Variants in ARL15 observed in about 807,000 individuals in gnomAD.
The protein encoded by ARL15 is ARF like GTPase 15, also known as ADP-ribosylation factor-like protein 15.
ARL15 carries 19 observed loss-of-function variants against 25.2 expected under a neutral mutation model. The observed-to-expected ratio is 0.75, with a 90% CI of 0.53 to 1.10. ARL15 has a LOEUF of 1.10. ARL15 is among the 50% of genes least tolerant of loss of function. The probability of loss-of-function intolerance (pLI) is 0.00; values close to 1 mark genes in which losing one functional copy is unlikely to be tolerated. For synonymous variants in ARL15, 94 were observed against 86.8 expected, an observed-to-expected ratio of 1.08 and a Z score of -0.46; for missense variants, 220 against 246.0, an observed-to-expected ratio of 0.89 and a Z score of 0.71.
chr5:54,063,271 T>C (rs935612592), intron 4 of ARL15, among the ~76,000 whole-genome samples: 4 of 152,218 alleles, frequency 2.6e-5, no homozygotes, highest in African/African-American at 4.8e-5. Flanking sequence ...TGTGGCTTGA[T>C]AGACGTTTCC....
intron 3 of ARL15, among the ~76,000 whole-genome samples, chr5:54,152,662 A>G (rs1754102461): frequency 2.0e-5 from 3 of 152,216 alleles, no homozygotes; most frequent in Admixed American, 2.0e-4. Context: ...GAACGAATGT[A>G]TCTGCTCTGA....
chr5:54,074,086 A>G (rs915970758), intron 4 of ARL15, among the ~76,000 whole-genome samples: 2 of 152,204 alleles, frequency 1.3e-5, no homozygotes, highest in African/African-American at 4.8e-5. Flanking sequence ...TCTTTCTTCT[A>G]GCTCACCCAT....
rs193205692 is a variant in ARL15 at position 54,033,214 on chromosome 5, G to A, written c.462+79988C>T. On this transcript the variant is annotated intron_variant, in intron 4 of 4. Coordinates refer to ENST00000504924, the MANE Select transcript of ARL15 (RefSeq NM_019087.3). Reference sequence around the variant, plus strand: ...TGTAATCCCAGCTACTCGGGAGGCTGAGGCAGGAGAATGGCTTGAACCTGG... The same window carrying A: ...TGTAATCCCAGCTACTCGGGAGGCTAAGGCAGGAGAATGGCTTGAACCTGG... Among the ~76,000 whole-genome samples the A allele has an allele frequency of 3.7e-3, 560 of 152,200 alleles. 1 individual carries two copies. Among genetic ancestry groups the A allele is most frequent in the Non-Finnish European group, 5.9e-3 (399 of 68,016 alleles).
intron 4 of ARL15, among the ~76,000 whole-genome samples, chr5:53,944,157 G>A (rs536439141): frequency 6.6e-6 from 1 of 152,064 alleles, no homozygotes; most frequent in South Asian, 2.1e-4. Context: ...AACACAACAG[G>A]GTTTGAACAA....
intron 4 of ARL15, among the ~76,000 whole-genome samples, chr5:53,970,067 T>C (rs1013725351): frequency 1.3e-5 from 2 of 152,164 alleles, no homozygotes; most frequent in Non-Finnish European, 2.9e-5. Flanking sequence ...GCATCTAGTT[T>C]AATATCTCAC....
At chr5:53,905,926 T>TA (rs1463959446) in intron 4 of ARL15, among the ~76,000 whole-genome samples, 1 of 152,212 alleles carries the variant, frequency 6.6e-6, no homozygotes, top group African/African-American at 2.4e-5. Context: ...TAAGGACACT[T>TA]ATACGTCAGA....
chr5:53,942,609 G>A (rs1398873756), intron 4 of ARL15, among the ~76,000 whole-genome samples: 2 of 152,192 alleles, frequency 1.3e-5, no homozygotes, highest in African/African-American at 4.8e-5. Context: ...AGCTGGGCAT[G>A]GTGGCATGCG....
At chr5:54,173,361 A>G (rs560402448) in intron 1 of ARL15, among the ~76,000 whole-genome samples, 85 of 152,164 alleles carry the variant, frequency 5.6e-4, no homozygotes, top group African/African-American at 2.0e-3. Context: ...CATGAGAGAA[A>G]GAGGGAAAGG....
chr5:54,219,875 T>C (rs1376509918), intron 1 of ARL15, among the ~76,000 whole-genome samples: 1 of 152,214 alleles, frequency 6.6e-6, no homozygotes, highest in Non-Finnish European at 1.5e-5. Flanking sequence ...AGAACTAAAA[T>C]GAAAAGGACA....
intron 1 of ARL15, among the ~76,000 whole-genome samples, chr5:54,220,597 A>C (rs1756345696): frequency 6.6e-6 from 1 of 152,206 alleles, no homozygotes; most frequent in African/African-American, 2.4e-5. Flanking sequence ...TTAATTTTTT[A>C]ATATAATAAG....
At chr5:53,937,825 CA>C (rs34514317) in intron 4 of ARL15, among the ~76,000 whole-genome samples, 139 of 141,636 alleles carry the variant, frequency 9.8e-4, no homozygotes, top group East Asian at 3.1e-3. Context: ...TATGAAATGG[CA>C]AAAAAAAAAA....
intron 4 of ARL15, among the ~76,000 whole-genome samples, chr5:54,024,454 G>A (rs1338939726): frequency 1.3e-5 from 2 of 152,038 alleles, no homozygotes; most frequent in African/African-American, 4.8e-5. Context: ...ACTTTGTATT[G>A]TATAAAAACT....
At chr5:54,057,791 G>A (rs1043457577) in intron 4 of ARL15, among the ~76,000 whole-genome samples, 6 of 152,108 alleles carry the variant, frequency 3.9e-5, no homozygotes, top group Non-Finnish European at 5.9e-5. Flanking sequence ...TGAGGCTGCA[G>A]GGAGCCATGG....
At position 53,949,049 on chromosome 5, in the gene ARL15, T is replaced by A. The variant is rs558354354; in HGVS notation, c.463-62336A>T. Among the ~76,000 whole-genome samples the A allele has an allele frequency of 2.0e-5, 3 of 152,278 alleles. No homozygotes were observed. In the South Asian group the frequency reaches 6.2e-4, roughly 32 times the overall value. On this transcript the variant is annotated intron_variant, in intron 4 of 4. Transcript: ENST00000504924. ...TGCAAATAATATTCAACAAAAAATT[T>A]ATAATCTTAAAAAAGATACTGCTAA... is the stretch of plus-strand genomic sequence containing the variant.
chr5:53,929,702 G>A (rs1217441162), intron 4 of ARL15, among the ~76,000 whole-genome samples: 1 of 152,228 alleles, frequency 6.6e-6, no homozygotes, highest in Admixed American at 6.5e-5. Context: ...GGGACAGGGT[G>A]AAAGGTCCAA....
At chr5:54,107,555 G>A (rs943874482) in intron 4 of ARL15, among the ~76,000 whole-genome samples, 10 of 152,104 alleles carry the variant, frequency 6.6e-5, no homozygotes, top group African/African-American at 2.4e-4. Flanking sequence ...GAGATCTAGG[G>A]GTGTAAACTA....
chr5:54,098,566 C>T (rs746924700), intron 4 of ARL15, among the ~76,000 whole-genome samples: 19 of 151,984 alleles, frequency 1.3e-4, no homozygotes, highest in Non-Finnish European at 2.2e-4. Context: ...AAACCCTGAG[C>T]GTGGGGTCAC....
intron 2 of ARL15, 107 bp from the exon 3 acceptor site, chr5:54,154,746 T>A (rs775727208): frequency 6.7e-5 from 43 of 640,690 alleles, no homozygotes; most frequent in Admixed American, 1.5e-4. Flanking sequence ...TTTATTTACT[T>A]TTTGTAGCTG....
chr5:54,295,964 A>G (rs1758456276), intron 1 of ARL15, among the ~76,000 whole-genome samples: 1 of 152,196 alleles, frequency 6.6e-6, no homozygotes, highest in African/African-American at 2.4e-5. Context: ...ACAATCACAG[A>G]ATTCCAGAGT....
Sources: allele counts gnomAD v4.1 joint callset (sites outside exome capture counted in the v4.1 genomes callset), GRCh38; gene constraint gnomAD v4.1.1; transcripts MANE v1.5; gene names NCBI Gene and HGNC (gene_info 2026-07-23, HGNC 2026-07-21).